Variants in PIK3CB observed in about 807,000 individuals in gnomAD.
PIK3CB encodes phosphatidylinositol 4,5-bisphosphate 3-kinase catalytic subunit beta isoform.
Under a neutral mutation model 136.8 loss-of-function variants are expected in PIK3CB, and 39 were observed. The observed-to-expected ratio is 0.29, with a 90% confidence interval of 0.22 to 0.37. The LOEUF is 0.37. PIK3CB is among the 10% of genes least tolerant of loss of function. The pLI is 1.00. For synonymous variants in PIK3CB, 428 were observed against 436.6 expected (o/e 0.98, Z 0.25); for missense variants, 868 against 1,275.4 (o/e 0.68, Z 4.87).
chr3:138,777,255 T>C (rs1273234432), intron 2 of PIK3CB, among the ~76,000 whole-genome samples: 1 of 152,168 alleles, frequency 6.6e-6, no homozygotes, highest in Non-Finnish European at 1.5e-5. Flanking sequence ...TCCTTGAATA[T>C]GGCTTCAGTG....
chr3:138,789,991 T>C (rs1359131126), intron 2 of PIK3CB, among the ~76,000 whole-genome samples: 1 of 152,142 alleles, frequency 6.6e-6, no homozygotes, highest in Non-Finnish European at 1.5e-5. Flanking sequence ...GCCCAGCCTA[T>C]TCAGCCTTTA....
chr3:138,828,760 C>A (rs939863677), intron 1 of PIK3CB, among the ~76,000 whole-genome samples: 5 of 151,790 alleles, frequency 3.3e-5, no homozygotes, highest in Non-Finnish European at 5.9e-5. Flanking sequence ...CATAAGGAGA[C>A]CCCGCCTCTA....
At chr3:138,794,706 G>C (rs1363576014) in intron 2 of PIK3CB, among the ~76,000 whole-genome samples, 3 of 152,184 alleles carry the variant, frequency 2.0e-5, no homozygotes, top group African/African-American at 7.2e-5. Flanking sequence ...TTCTCATGGA[G>C]TTGATATGCT....
intron 19 of PIK3CB, among the ~76,000 whole-genome samples, chr3:138,672,096 G>C (rs920008168): frequency 1.3e-4 from 19 of 151,736 alleles, no homozygotes. Flanking sequence ...AAAGTGGGGG[G>C]GTTCTATAAA....
intron 2 of PIK3CB, among the ~76,000 whole-genome samples, chr3:138,773,591 A>AAGT (rs2045825040): frequency 6.6e-6 from 1 of 152,196 alleles, no homozygotes; most frequent in African/African-American, 2.4e-5. Flanking sequence ...AAGTTACTTA[A>AAGT]TACAGTCCTT....
At chr3:138,804,763 A>G (rs987289445) in intron 1 of PIK3CB, among the ~76,000 whole-genome samples, 11 of 152,102 alleles carry the variant, frequency 7.2e-5, no homozygotes, top group South Asian at 2.1e-4. Flanking sequence ...GGTGGCTCAC[A>G]CCTGTAATCC....
chr3:138,790,825 A>G (rs1304205834), intron 2 of PIK3CB, among the ~76,000 whole-genome samples: 1 of 150,738 alleles, frequency 6.6e-6, no homozygotes, highest in South Asian at 2.1e-4. Context: ...AAAAAAAAAA[A>G]AAAAGAAAAA....
At position 138,653,766 on chromosome 3, in the gene PIK3CB, G is replaced by C; in HGVS notation, c.*1623C>G. On this transcript the variant is annotated 3_prime_UTR_variant, in exon 24 of 24. Coordinates refer to ENST00000674063, the MANE Select transcript of PIK3CB (RefSeq NM_006219.3). ...AGCAGCAGAGTCTGGCCTTGGCTCA[G>C]TGCCAAGTAACTACCCAGACTTCAG... 5.2e-6 allele frequency: 1 copy of C among 191,572 alleles called. No individual in the cohort carries two copies. Among genetic ancestry groups the C allele is most frequent in the Admixed American group, 6.1e-5 (1 of 16,310 alleles). 11.9% of individuals were successfully genotyped at this position (191,572 alleles called of 1,614,324 possible). A position where few individuals can be genotyped will look rare whatever the true frequency, so the allele number is the denominator to read the frequency against.
At chr3:138,808,869 GTATT>G (rs1170659351) in intron 1 of PIK3CB, among the ~76,000 whole-genome samples, 2 of 151,528 alleles carry the variant, frequency 1.3e-5, no homozygotes, top group African/African-American at 2.4e-5. Flanking sequence ...ATATTTAAAA[GTATT>G]TATTTCTGCT....
At chr3:138,740,961 T>C (rs571580317) in intron 5 of PIK3CB, among the ~76,000 whole-genome samples, 1 of 152,322 alleles carries the variant, frequency 6.6e-6, no homozygotes, top group East Asian at 1.9e-4. Flanking sequence ...TGAACTCTCA[T>C]CACCTTTCAA....
intron 1 of PIK3CB, among the ~76,000 whole-genome samples, chr3:138,809,982 G>A (rs987206439): frequency 6.6e-6 from 1 of 151,996 alleles, no homozygotes; most frequent in Non-Finnish European, 1.5e-5. Flanking sequence ...TGAATATCTT[G>A]TAGTAATGTA....
intron 4 of PIK3CB, among the ~76,000 whole-genome samples, chr3:138,749,883 T>C (rs889695235): frequency 2.0e-5 from 3 of 151,768 alleles, no homozygotes; most frequent in Admixed American, 6.6e-5. Flanking sequence ...AGAGTTTTTT[T>C]GTTTGTTTGA....
At chr3:138,815,696 G>A (rs1933295398) in intron 1 of PIK3CB, among the ~76,000 whole-genome samples, 1 of 152,068 alleles carries the variant, frequency 6.6e-6, no homozygotes. Context: ...AAATGCACAG[G>A]TTATCTCTAG....
chr3:138,726,473 G>A (rs994883946), intron 8 of PIK3CB, among the ~76,000 whole-genome samples: 2 of 152,142 alleles, frequency 1.3e-5, no homozygotes, highest in Admixed American at 1.3e-4. Flanking sequence ...CTGAGTCTTA[G>A]GCTCTGCCTG....
chr3:138,663,938 T>C lies in PIK3CB; in HGVS notation c.2764A>G (p.Ser922Gly). The C allele has an allele frequency of 6.2e-7, 1 of 1,614,074 alleles. No individual in the cohort carries two copies. Among genetic ancestry groups the C allele is most frequent in the Non-Finnish European group, 8.5e-7 (1 of 1,179,980 alleles). Residue 922 changes from serine (S) to glycine (G), a missense_variant, in exon 21 of 24, where the codon AGT (serine) becomes GGT (glycine). Ser to Gly is a moderately conservative substitution (Grantham distance 56). Around this residue, in one of 4 missense-constraint regions of PIK3CB, gnomAD observed 165 missense variants for 295.4 expected, o/e 0.56. Coordinates refer to ENST00000674063, the MANE Select transcript of PIK3CB (RefSeq NM_006219.3). The stretch of plus-strand genomic sequence containing the variant: ...GTTTTTTTGACCATGATGTTGTCAC[T>C]ATGTCTGTCACCAATCCCAAGGACA... ...SYVLGIGDRH[S>G]DNIMVKKTGQ... is the part of the protein sequence containing the mutation.
intron 1 of PIK3CB, among the ~76,000 whole-genome samples, chr3:138,820,058 A>G (rs1275202939): frequency 1.3e-5 from 2 of 152,232 alleles, no homozygotes; most frequent in African/African-American, 2.4e-5. Flanking sequence ...ACTAAAACAA[A>G]TAGGTTTTCA....
At chr3:138,823,929 T>C (rs1237487386) in intron 1 of PIK3CB, among the ~76,000 whole-genome samples, 1 of 152,166 alleles carries the variant, frequency 6.6e-6, no homozygotes, top group East Asian at 1.9e-4. Context: ...AAGGAATTCA[T>C]GGAATTCAGG....
chr3:138,820,330 G>C (rs1021038606), intron 1 of PIK3CB, among the ~76,000 whole-genome samples: 6 of 151,992 alleles, frequency 3.9e-5, no homozygotes, highest in Admixed American at 2.0e-4. Context: ...CATCACCTCA[G>C]AATTTCCTGT....
intron 8 of PIK3CB, among the ~76,000 whole-genome samples, chr3:138,721,287 C>T (rs2044721624): frequency 6.6e-6 from 1 of 152,114 alleles, no homozygotes; most frequent in South Asian, 2.1e-4. Flanking sequence ...CTCAGCCTCC[C>T]GAGTAGCTGG....
Sources: gnomAD v4.1 joint callset for allele counts (sites outside exome capture counted in the v4.1 genomes callset) on GRCh38, gnomAD v4.1.1 for gene constraint, gnomAD v4.1.1 regional missense constraint, MANE v1.5 for transcripts, NCBI Gene and HGNC (gene_info 2026-07-23, HGNC 2026-07-21) for gene names.